The following CDH12 variants were observed in gnomAD, a reference collection of about 807,000 sequenced individuals.
CDH12 encodes cadherin 12, also known as cadherin-12.
Under a neutral mutation model 74.1 loss-of-function variants are expected in CDH12, and 41 were observed. The ratio of observed to expected loss-of-function variants is 0.55; its 90% confidence interval spans 0.43 to 0.72. CDH12 has a LOEUF of 0.72. Ranked by LOEUF, CDH12 falls within the 30% of genes least tolerant of loss-of-function variation. The probability of loss-of-function intolerance (pLI) is 0.00; values close to 1 mark genes in which losing one functional copy is unlikely to be tolerated. For synonymous variants in CDH12, 399 were observed against 355.0 expected (o/e 1.12, Z -1.39); for missense variants, 945 against 977.2 (o/e 0.97, Z 0.44).
At chr5:22,028,965 A>G (rs1738597110) in intron 5 of CDH12, among the ~76,000 whole-genome samples, 2 of 152,210 alleles carry the variant, frequency 1.3e-5, no homozygotes. Context: ...CCACATATCT[A>G]CAGCGATCTG....
At chr5:22,717,399 C>A (rs1223443962) in intron 1 of CDH12, among the ~76,000 whole-genome samples, 4 of 152,136 alleles carry the variant, frequency 2.6e-5, no homozygotes, top group African/African-American at 9.7e-5. Context: ...ACCATATAAC[C>A]TAGGTGTGTA....
chr5:21,797,308 A>C (rs142740187), intron 10 of CDH12, among the ~76,000 whole-genome samples: 2,830 of 152,262 alleles, frequency 0.019, 44 homozygotes, highest in South Asian at 0.044. Flanking sequence ...AAAGGAAAAC[A>C]AAACAAACAG....
At chr5:22,822,425 T>C (rs532877755) in intron 1 of CDH12, among the ~76,000 whole-genome samples, 7 of 151,970 alleles carry the variant, frequency 4.6e-5, no homozygotes, top group Admixed American at 4.6e-4. Context: ...CAAAAGAAAC[T>C]ACCATCAGAG....
rs1393174041 is a variant in CDH12 at position 21,794,386 on chromosome 5, C to T, written c.1256+7781G>A. ...AGCACATTTGCAAAGAGACTTCATGCAAAAACCAACTTCAGAGAAATAATT... is the reference window on the plus strand; with the variant it reads ...AGCACATTTGCAAAGAGACTTCATGTAAAAACCAACTTCAGAGAAATAATT... On this transcript the variant is annotated intron_variant, in intron 10 of 14. Transcript: ENST00000382254. 2.0e-5 allele frequency among the ~76,000 whole-genome samples: 3 copies of T among 151,782 alleles called. No homozygotes were observed. The East Asian group carries it at 5.8e-4, about 29-fold the overall frequency.
chr5:21,882,159 T>C (rs1334029027), intron 6 of CDH12, among the ~76,000 whole-genome samples: 4 of 152,242 alleles, frequency 2.6e-5, no homozygotes, highest in Non-Finnish European at 5.9e-5. Flanking sequence ...ACTGGATTTC[T>C]TTGTTATGCC....
At chr5:21,858,299 A>G (rs1416799078) in intron 6 of CDH12, among the ~76,000 whole-genome samples, 3 of 151,908 alleles carry the variant, frequency 2.0e-5, no homozygotes, top group Non-Finnish European at 4.4e-5. Context: ...ACATAATGTG[A>G]TCTCAGTAAT....
At chr5:21,833,674 T>A (rs1371986668) in intron 8 of CDH12, among the ~76,000 whole-genome samples, 3 of 147,826 alleles carry the variant, frequency 2.0e-5, no homozygotes, top group African/African-American at 7.6e-5. Context: ...AATCAGCACT[T>A]GCTGGCTCAC....
chr5:22,294,625 G>T (rs1259470655), intron 3 of CDH12, among the ~76,000 whole-genome samples: 1 of 152,142 alleles, frequency 6.6e-6, no homozygotes, highest in African/African-American at 2.4e-5. Flanking sequence ...TAGCATCCAA[G>T]ATGGAGTTGC....
chr5:22,584,554 T>G (rs1481688760), intron 1 of CDH12, among the ~76,000 whole-genome samples: 1 of 152,174 alleles, frequency 6.6e-6, no homozygotes, highest in Non-Finnish European at 1.5e-5. Context: ...AATTTTTTTG[T>G]GTGTTACAAA....
At chr5:22,739,973 C>T (rs1469840571) in intron 1 of CDH12, among the ~76,000 whole-genome samples, 3 of 151,978 alleles carry the variant, frequency 2.0e-5, no homozygotes, top group Non-Finnish European at 4.4e-5. Context: ...TAAATTAAAC[C>T]TCTTGCTCAA....
chr5:22,059,743 G>T (rs573047994), intron 5 of CDH12, among the ~76,000 whole-genome samples: 1 of 151,990 alleles, frequency 6.6e-6, no homozygotes, highest in Non-Finnish European at 1.5e-5. Flanking sequence ...AAATTCAATA[G>T]CCCTGAATAC....
chr5:22,492,528 G>A (rs1434106273), intron 2 of CDH12, among the ~76,000 whole-genome samples: 13 of 151,964 alleles, frequency 8.6e-5, no homozygotes, highest in African/African-American at 2.9e-4. Context: ...TGTATTTTTA[G>A]TAGAGACAGG....
chr5:21,804,689 CACACAT>C (rs1179279517), intron 9 of CDH12, among the ~76,000 whole-genome samples: 21 of 137,174 alleles, frequency 1.5e-4, no homozygotes, highest in African/African-American at 5.4e-4. Context: ...CACACACACA[CACACAT>C]AGATGTTTTA....
intron 2 of CDH12, among the ~76,000 whole-genome samples, chr5:22,414,233 A>C (rs1334263919): frequency 6.6e-6 from 1 of 151,998 alleles, no homozygotes; most frequent in Non-Finnish European, 1.5e-5. Flanking sequence ...ATGTACATGA[A>C]TTCAATTTGT....
chr5:22,009,201 T>C (rs1203194057), intron 5 of CDH12, among the ~76,000 whole-genome samples: 5 of 152,210 alleles, frequency 3.3e-5, no homozygotes, highest in Admixed American at 6.5e-5. Context: ...TAAGGCCATG[T>C]TCTTTCAGGC....
chr5:22,746,500 T>C (rs1316502076), intron 1 of CDH12, among the ~76,000 whole-genome samples: 7 of 152,212 alleles, frequency 4.6e-5, no homozygotes, highest in Admixed American at 1.3e-4. Flanking sequence ...AGGGTCTTTA[T>C]TGTGATTGTT....
At chr5:22,124,067 A>T (rs1745686280) in intron 4 of CDH12, among the ~76,000 whole-genome samples, 2 of 151,772 alleles carry the variant, frequency 1.3e-5, no homozygotes, top group African/African-American at 4.8e-5. Flanking sequence ...TCCCAGGATC[A>T]AGCAATTCTC....
intron 1 of CDH12, among the ~76,000 whole-genome samples, chr5:22,604,807 C>T (rs1737017081): frequency 6.6e-6 from 1 of 152,094 alleles, no homozygotes; most frequent in Admixed American, 6.6e-5. Flanking sequence ...ACTTTGGGCT[C>T]TCACTTGCTC....
chr5:22,193,467 TTGAGG>T (rs1750421245), intron 4 of CDH12, among the ~76,000 whole-genome samples: 2 of 152,246 alleles, frequency 1.3e-5, no homozygotes, highest in Admixed American at 6.5e-5. Flanking sequence ...TTCCTAGGCA[TTGAGG>T]AGTACAGGTG....
Sources: allele counts gnomAD v4.1 joint callset (sites outside exome capture counted in the v4.1 genomes callset), GRCh38; gene constraint gnomAD v4.1.1; transcripts MANE v1.5; gene names NCBI Gene and HGNC (gene_info 2026-07-23, HGNC 2026-07-21).